XRCC6: variants seen among roughly 807,000 people sequenced by gnomAD.
XRCC6 encodes DNA repair protein Ku70.
XRCC6 carries 5 observed loss-of-function variants against 65.7 expected under a neutral mutation model. That is an observed-to-expected ratio of 0.08 (90% CI 0.04 to 0.16). The LOEUF (loss-of-function observed/expected upper bound fraction) is 0.16. Among genes scored for constraint, XRCC6 ranks in the 10% least tolerant of loss-of-function variants. XRCC6 has a pLI of 1.00. For missense variants in XRCC6, 447 were observed against 738.1 expected, an observed-to-expected ratio of 0.61 and a Z score of 4.57; for synonymous variants, 270 against 270.6, an observed-to-expected ratio of 1.00 and a Z score of 0.02.
chr22:41,650,743 T>C lies in XRCC6; in HGVS notation c.981T>C (p.Ile327=), dbSNP rs1569094066. 6.2e-7 allele frequency: 1 copy of C among 1,613,576 alleles called. No homozygotes were observed. The highest frequency in any genetic ancestry group is 2.2e-5 in the East Asian group (1 of 44,874). The change falls in exon 8 of 13, where the codon ATT becomes ATC. Residue 327 remains isoleucine, a synonymous_variant. Transcript: ENST00000360079. ...TTCAGATCTATGGGAGTCGTCAGAT[T>C]ATACTGGAGAAAGAGGAAACAGAAG... ...KRSQIYGSRQ[I]ILEKEETEEL...
intron 2 of XRCC6, among the ~76,000 whole-genome samples, chr22:41,623,114 T>TA (rs2067629323): frequency 6.6e-6 from 1 of 152,162 alleles, no homozygotes; most frequent in Admixed American, 6.5e-5. Context: ...AATTTTTTAA[T>TA]AGAGACAGGC....
At chr22:41,654,851 AG>A (rs2068030642) in intron 9 of XRCC6, among the ~76,000 whole-genome samples, 1 of 152,212 alleles carries the variant, frequency 6.6e-6, no homozygotes, top group Non-Finnish European at 1.5e-5. Flanking sequence ...GGGGCAATAC[AG>A]GTAGGAACAG....
intron 2 of XRCC6, among the ~76,000 whole-genome samples, chr22:41,627,528 T>C (rs1356049280): frequency 6.6e-6 from 1 of 150,532 alleles, no homozygotes; most frequent in African/African-American, 2.5e-5. Context: ...GGAGAATCGC[T>C]TGAACCTGGG....
rs1162738350 is a variant in XRCC6, at chr22:41,621,986, C to T, written c.-15-4C>T. On this transcript the variant is annotated splice_region_variant and splice_polypyrimidine_tract_variant and intron_variant, in intron 1 of 12. Transcript: ENST00000360079. The stretch of plus-strand genomic sequence containing the variant: ...TGTTACTGACGTTAACGTCTTTCGC[C>T]TAGTGAGCAGTAGCCAACATGTCAG... The T allele has an allele frequency of 1.2e-6, 2 of 1,614,004 alleles. No individual in the cohort carries two copies. Among genetic ancestry groups the T allele is most frequent in the Non-Finnish European group, 8.5e-7 (1 of 1,179,868 alleles).
intron 2 of XRCC6, among the ~76,000 whole-genome samples, chr22:41,623,490 C>A (rs950958359): frequency 2.0e-5 from 3 of 151,562 alleles, no homozygotes; most frequent in Non-Finnish European, 4.4e-5. Flanking sequence ...CGGGTTCATG[C>A]CATTCTCCTG....
chr22:41,655,755 G>A (rs1427918727), intron 9 of XRCC6, among the ~76,000 whole-genome samples: 1 of 150,544 alleles, frequency 6.6e-6, no homozygotes. Context: ...ATTGAGACAA[G>A]GTCTCACTAT....
In XRCC6 at chr22:41,640,253, A is replaced by C. The variant is rs576039429; in HGVS notation, c.773+2462A>C. Among the ~76,000 whole-genome samples, 6 of 151,876 alleles carry C rather than the reference A, an allele frequency of 4.0e-5. No individual in the cohort carries two copies. In the South Asian group the frequency reaches 1.3e-3, roughly 32 times the overall value. ...AAGCTCCGCCTCCCGGGTTCATGCCATTCTCCTGCCTCAGCCTCCCGAGTA... is the reference window on the plus strand; with the variant it reads ...AAGCTCCGCCTCCCGGGTTCATGCCCTTCTCCTGCCTCAGCCTCCCGAGTA... On this transcript the variant is annotated intron_variant, in intron 6 of 12. Coordinates refer to ENST00000360079, the MANE Select transcript of XRCC6 (RefSeq NM_001469.5).
rs1202706516 is a variant in XRCC6, at chr22:41,629,554, G to GAGC, written c.195+1326_195+1328dup. On this transcript the variant is annotated intron_variant, in intron 3 of 12. Coordinates refer to ENST00000360079, the MANE Select transcript of XRCC6 (RefSeq NM_001469.5). ...GAGGCACAGGGAAGAGAGGAACAGG[G>GAGC]AGCAACTGCTCAATGGGTATGGGGT... 2.0e-5 allele frequency among the ~76,000 whole-genome samples: 3 copies of GAGC among 152,228 alleles called. No homozygotes were observed. In the East Asian group the frequency reaches 5.8e-4, roughly 29 times the overall value.
At chr22:41,658,823 C>T (rs988922790) in intron 11 of XRCC6, among the ~76,000 whole-genome samples, 1 of 151,990 alleles carries the variant, frequency 6.6e-6, no homozygotes, top group African/African-American at 2.4e-5. Context: ...CCCAGCTACT[C>T]GGGAGGCTGA....
chr22:41,636,873 A>G lies in XRCC6; in HGVS notation c.589+103A>G, dbSNP rs561091727. 8.5e-5 allele frequency: 122 copies of G among 1,429,944 alleles called. 4 individuals carry two copies. The South Asian group carries it at 1.7e-3, about 19-fold the overall frequency. 88.6% of individuals were successfully genotyped at this position (1,429,944 alleles called of 1,614,324 possible). A position where few individuals can be genotyped will look rare whatever the true frequency, so the allele number is the denominator to read the frequency against. On this transcript the variant is annotated intron_variant, in intron 5 of 12. Transcript: ENST00000360079. ...AGTCTTGGCTCAGCCTCAGCCTCCC[A>G]AGTAGCTGGGACTATAAGCATGTGC...
chr22:41,655,819 C>T (rs2068039679), intron 9 of XRCC6, among the ~76,000 whole-genome samples: 2 of 151,720 alleles, frequency 1.3e-5, no homozygotes, highest in Admixed American at 1.3e-4. Flanking sequence ...CTGCTTCAGC[C>T]TCCCAAAGTG....
intron 5 of XRCC6, 123 bp downstream of exon 5, chr22:41,636,893 A>G (rs1228124029): frequency 8.3e-6 from 11 of 1,322,312 alleles, no homozygotes; most frequent in Non-Finnish European, 1.1e-5. Context: ...GACTATAAGC[A>G]TGTGCTGTTG....
chr22:41,628,081 C>G, intron 2 of XRCC6, 37 bp from the exon 3 acceptor site: 1 of 1,442,390 alleles, frequency 6.9e-7, no homozygotes, highest in African/African-American at 1.4e-5. Context: ...AATACGAAAA[C>G]AAGGACAAAC....
At chr22:41,651,586 G>C (rs1435186502) in intron 8 of XRCC6, among the ~76,000 whole-genome samples, 1 of 149,980 alleles carries the variant, frequency 6.7e-6, no homozygotes, top group Non-Finnish European at 1.5e-5. Context: ...GGAGTGTAAT[G>C]GTGCAATCTC....
In XRCC6 at chr22:41,636,125, G is replaced by T; in HGVS notation, c.208G>T (p.Val70Leu). The change falls in exon 4 of 13, where the codon GTG becomes TTG. Residue 70 changes from valine to leucine, a missense_variant. Val to Leu is a conservative substitution (Grantham distance 32). This residue lies in a region of XRCC6 where 228 missense variants were observed against 307.4 expected (regional missense o/e 0.74). Transcript: ENST00000360079. ...TTTTTTTTTTCAGTGTATCCAAAGT[G>T]TGTACATCAGTAAGATCATAAGCAG... ...FDMSIQCIQS[V>L]YISKIISSDR... The T allele has an allele frequency of 6.3e-7, 1 of 1,586,120 alleles. No individual in the cohort carries two copies. Among genetic ancestry groups the T allele is most frequent in the Non-Finnish European group, 8.5e-7 (1 of 1,173,310 alleles).
At chr22:41,658,627 T>C (rs1306279861) in intron 11 of XRCC6, among the ~76,000 whole-genome samples, 1 of 152,130 alleles carries the variant, frequency 6.6e-6, no homozygotes, top group Non-Finnish European at 1.5e-5. Context: ...TAAAAAATAA[T>C]ATAAGAGGCT....
At chr22:41,656,287 G>A (rs1441914901) in intron 9 of XRCC6, among the ~76,000 whole-genome samples, 5 of 151,002 alleles carry the variant, frequency 3.3e-5, no homozygotes, top group Admixed American at 2.0e-4. Flanking sequence ...TTGGGAAGCC[G>A]AGGTGGGCAG....
In XRCC6 at chr22:41,643,999, T is replaced by A. The variant is rs192141882; in HGVS notation, c.774-2897T>A. 3.4e-4 allele frequency among the ~76,000 whole-genome samples: 47 copies of A among 140,186 alleles called. 1 individual carries two copies. In the East Asian group the frequency reaches 9.7e-3, roughly 29 times the overall value. The allele number at this position is 140,186 out of a possible 152,430, so 92.0% of individuals were successfully genotyped here. A position where few individuals can be genotyped will look rare whatever the true frequency, so the allele number is the denominator to read the frequency against. On this transcript the variant is annotated intron_variant, in intron 6 of 12. Coordinates refer to ENST00000360079, the MANE Select transcript of XRCC6 (RefSeq NM_001469.5). ...GACTCCATCTCAAAAAAAAAAAAATTAGCTGGGCGCAGTGGCATGTGCTTG... is the reference window on the plus strand; with the variant it reads ...GACTCCATCTCAAAAAAAAAAAAATAAGCTGGGCGCAGTGGCATGTGCTTG...
chr22:41,645,659 T>C (rs915913098), intron 6 of XRCC6, among the ~76,000 whole-genome samples: 1 of 151,894 alleles, frequency 6.6e-6, no homozygotes, highest in African/African-American at 2.4e-5. Flanking sequence ...TTTTGTTTTG[T>C]TAAGTAACCC....
Sources: gnomAD v4.1 joint callset for allele counts (sites outside exome capture counted in the v4.1 genomes callset) on GRCh38, gnomAD v4.1.1 for gene constraint, gnomAD v4.1.1 regional missense constraint, MANE v1.5 for transcripts, NCBI Gene and HGNC (gene_info 2026-07-23, HGNC 2026-07-21) for gene names.